Variants in CEACAM8 observed in about 807,000 individuals in gnomAD.
CEACAM8 encodes the protein cell adhesion molecule CEACAM8.
In CEACAM8, 31 loss-of-function variants were observed where a neutral mutation model predicts 33.4. The observed-to-expected ratio is 0.93, with a 90% confidence interval of 0.70 to 1.25. The LOEUF is 1.25. CEACAM8 is among the 50% of genes most tolerant of loss of function. The pLI, the probability that CEACAM8 is intolerant of heterozygous loss-of-function variation, is 0.00. For synonymous variants in CEACAM8, 138 were observed against 164.5 expected (o/e 0.84, Z 1.23); for missense variants, 388 against 434.6 (o/e 0.89, Z 0.95).
chr19:42,594,798 A>G lies in CEACAM8; in HGVS notation c.31T>C (p.Trp11Arg). The change falls in exon 1 of 6, where the codon TGG becomes CGG. Residue 11 changes from tryptophan to arginine, a missense_variant. Transcript: ENST00000244336. MGPISAPSCR[W>R]RIPWQGLLLT... ...AGGAGCCCCTGCCAGGGGATGCGCC[A>G]TCTGCAGGAAGGGGCTGAGATGGGC... The G allele has an allele frequency of 6.2e-7, 1 of 1,611,378 alleles. No individual in the cohort carries two copies. The highest frequency in any genetic ancestry group is 1.3e-5 in the African/African-American group (1 of 74,948).
Position 42,593,866 on chromosome 19 carries a change from A to G in CEACAM8, c.99T>C (p.Thr33=), listed in dbSNP as rs368998367. 21 of 1,603,098 alleles carry G rather than the reference A, an allele frequency of 1.3e-5. No individual in the cohort carries two copies. Among genetic ancestry groups the G allele is most frequent in the South Asian group, 1.0e-4 (9 of 90,224 alleles). The change falls in exon 2 of 6, where the codon ACT becomes ACC. Residue 33 remains threonine (T), a synonymous_variant. Coordinates refer to ENST00000244336, the MANE Select transcript of CEACAM8 (RefSeq NM_001816.4). The part of the protein sequence containing the change: ...SLFTFWNPPT[T]AQLTIEAVPS... ...GCACAGCTTCAATAGTGAGCTGAGC[A>G]GTGGTGGGCGGGTTCCAGAAGGTGA... is the stretch of plus-strand genomic sequence containing the variant.
At chr19:42,583,402 G>T in intron 4 of CEACAM8, 65 bp from the exon 5 acceptor site, 2 of 1,033,294 alleles carry the variant, frequency 1.9e-6, no homozygotes, top group Non-Finnish European at 3.0e-6. Flanking sequence ...GGTACCCCAG[G>T]AACCAGCTCC....
At chr19:42,591,785 T>G (rs1182034358) in intron 2 of CEACAM8, among the ~76,000 whole-genome samples, 1 of 152,168 alleles carries the variant, frequency 6.6e-6, no homozygotes, top group Non-Finnish European at 1.5e-5. Context: ...CAGGATCTAG[T>G]CTCTAAAGAG....
rs558433934 is a variant in CEACAM8, at chr19:42,594,793, G to A, written c.36C>T (p.Arg12=). 9.7e-5 allele frequency: 157 copies of A among 1,611,488 alleles called. 2 individuals are homozygous for A. The South Asian group carries it at 1.4e-3, about 15-fold the overall frequency. The part of the protein sequence containing the change: ...GPISAPSCRW[R]IPWQGLLLTA... Reference sequence around the variant, plus strand: ...TGAGCAGGAGCCCCTGCCAGGGGATGCGCCATCTGCAGGAAGGGGCTGAGA... The same window carrying A: ...TGAGCAGGAGCCCCTGCCAGGGGATACGCCATCTGCAGGAAGGGGCTGAGA... Residue 12 remains arginine (R), a synonymous_variant, in exon 1 of 6, where the codon CGC becomes CGT. Coordinates refer to ENST00000244336, the MANE Select transcript of CEACAM8 (RefSeq NM_001816.4).
Position 42,588,892 on chromosome 19 carries a change from G to A in CEACAM8, c.850C>T (p.Leu284Phe). 1 of 1,614,188 alleles carries A rather than the reference G, an allele frequency of 6.2e-7. No individual in the cohort carries two copies. Among genetic ancestry groups the A allele is most frequent in the East Asian group, 2.2e-5 (1 of 44,872 alleles). Residue 284 changes from leucine (L) to phenylalanine (F), a missense_variant, in exon 4 of 6, where the codon CTC becomes TTC. By Grantham distance (22) the Leu-to-Phe change is conservative. Transcript: ENST00000244336. Reference sequence around the variant, plus strand: ...TTTGTAGTGATGTTGGGGATAAAGAGCTTTTGTGTGTATTGCTGGAATGTG... The same window carrying A: ...TTTGTAGTGATGTTGGGGATAAAGAACTTTTGTGTGTATTGCTGGAATGTG... Reference protein sequence around the residue: ...NGTFQQYTQKLFIPNITTKNS... With the variant: ...NGTFQQYTQKFFIPNITTKNS...
At chr19:42,592,340 C>A (rs1467244475) in intron 2 of CEACAM8, among the ~76,000 whole-genome samples, 1 of 152,166 alleles carries the variant, frequency 6.6e-6, no homozygotes, top group Admixed American at 6.5e-5. Context: ...CGCAGTGGCT[C>A]ATGCCTGTAA....
At position 42,594,804 on chromosome 19, in the gene CEACAM8, A is replaced by C; in HGVS notation, c.25T>G (p.Cys9Gly). The change falls in exon 1 of 6, where the codon TGC becomes GGC. Residue 9 changes from cysteine to glycine, a missense_variant. Transcript: ENST00000244336. ...CCCTGCCAGGGGATGCGCCATCTGC[A>C]GGAAGGGGCTGAGATGGGCCCCATG... is the stretch of plus-strand genomic sequence containing the variant. MGPISAPS[C>G]RWRIPWQGLL... 1 of 1,611,416 alleles carries C rather than the reference A, an allele frequency of 6.2e-7. No individual in the cohort carries two copies. The highest frequency in any genetic ancestry group is 8.5e-7 in the Non-Finnish European group (1 of 1,178,266).
rs961357549 is a variant in CEACAM8 at position 42,593,592 on chromosome 19, T to A, written c.373A>T (p.Ile125Leu). ...TCTTCACTCATAAGATTTAGCTTTA[T>A]GACTTGTAGGGTGTAGGATCCTGTG... The part of the protein sequence containing the change: ...NDTGSYTLQV[I>L]KLNLMSEEVT... Residue 125 changes from isoleucine to leucine, a missense_variant, in exon 2 of 6, where the codon ATA (isoleucine) becomes TTA (leucine). Coordinates refer to ENST00000244336, the MANE Select transcript of CEACAM8 (RefSeq NM_001816.4). 2.5e-6 allele frequency: 4 copies of A among 1,602,770 alleles called. No individual in the cohort carries two copies. Among genetic ancestry groups the A allele is most frequent in the Non-Finnish European group, 3.4e-6 (4 of 1,173,934 alleles).
chr19:42,593,605 G>A lies in CEACAM8; in HGVS notation c.360C>T (p.Tyr120=). The change falls in exon 2 of 6, where the codon TAC becomes TAT. Residue 120 remains tyrosine, a synonymous_variant. Transcript: ENST00000244336. Reference sequence around the variant, plus strand: ...GATTTAGCTTTATGACTTGTAGGGTGTAGGATCCTGTGTCATTTCTGGTGA... The same window carrying A: ...GATTTAGCTTTATGACTTGTAGGGTATAGGATCCTGTGTCATTTCTGGTGA... ...RNVTRNDTGS[Y]TLQVIKLNLM... 1 of 1,611,378 alleles carries A rather than the reference G, an allele frequency of 6.2e-7. No individual in the cohort carries two copies. The highest frequency in any genetic ancestry group is 8.5e-7 in the Non-Finnish European group (1 of 1,178,428).
At position 42,593,874 on chromosome 19, in the gene CEACAM8, G is replaced by A; in HGVS notation, c.91C>T (p.Pro31Ser). Residue 31 changes from proline (P) to serine (S), a missense_variant, in exon 2 of 6, where the codon CCC becomes TCC. Pro to Ser is a moderately conservative substitution (Grantham distance 74). Coordinates refer to ENST00000244336, the MANE Select transcript of CEACAM8 (RefSeq NM_001816.4). The part of the protein sequence containing the change: ...TASLFTFWNP[P>S]TTAQLTIEAV... ...TCAATAGTGAGCTGAGCAGTGGTGG[G>A]CGGGTTCCAGAAGGTGAAAAGTGAG... The A allele has an allele frequency of 1.3e-6, 2 of 1,597,554 alleles. No homozygotes were observed. Among genetic ancestry groups the A allele is most frequent in the Non-Finnish European group, 1.7e-6 (2 of 1,169,078 alleles).
intron 2 of CEACAM8, among the ~76,000 whole-genome samples, chr19:42,593,258 A>G (rs538023816): frequency 2.6e-4 from 39 of 152,268 alleles, no homozygotes; most frequent in Admixed American, 9.8e-4. Flanking sequence ...GGTCAGGTCC[A>G]TGGGGAGGGC....
chr19:42,587,498 GCCA>G (rs1485040772), intron 4 of CEACAM8, among the ~76,000 whole-genome samples: 1 of 152,166 alleles, frequency 6.6e-6, no homozygotes, highest in African/African-American at 2.4e-5. Flanking sequence ...GACACAAAAG[GCCA>G]CCTATTATAT....
At chr19:42,581,920 A>AAAACAT (rs1555805368) in intron 5 of CEACAM8, among the ~76,000 whole-genome samples, 1 of 25,308 alleles carries the variant, frequency 4.0e-5, no homozygotes, top group Non-Finnish European at 6.6e-5. Context: ...AAAAAAAAAA[A>AAAACAT]ATATATATAT....
intron 5 of CEACAM8, among the ~76,000 whole-genome samples, chr19:42,581,558 G>A (rs2042256792): frequency 6.6e-6 from 1 of 152,002 alleles, no homozygotes; most frequent in African/African-American, 2.4e-5. Context: ...AGAAGGTTTA[G>A]CACCACTTAT....
intron 3 of CEACAM8, 89 bp downstream of exon 3, chr19:42,589,368 T>C (rs2042392278): frequency 6.3e-7 from 1 of 1,589,392 alleles, no homozygotes; most frequent in African/African-American, 1.3e-5. Context: ...ATCTGCATTT[T>C]TGGAGCTGAG....
chr19:42,593,867 G>A lies in CEACAM8; in HGVS notation c.98C>T (p.Thr33Ile). The A allele has an allele frequency of 1.2e-6, 2 of 1,601,274 alleles. No individual in the cohort carries two copies. The highest frequency in any genetic ancestry group is 1.7e-6 in the Non-Finnish European group (2 of 1,171,838). Residue 33 changes from threonine (T) to isoleucine (I), a missense_variant, in exon 2 of 6, where the codon ACT becomes ATT. Thr to Ile is a moderately conservative substitution (Grantham distance 89). Coordinates refer to ENST00000244336, the MANE Select transcript of CEACAM8 (RefSeq NM_001816.4). ...SLFTFWNPPT[T>I]AQLTIEAVPS... ...CACAGCTTCAATAGTGAGCTGAGCA[G>A]TGGTGGGCGGGTTCCAGAAGGTGAA...
Position 42,583,310 on chromosome 19 carries a change from C to T in CEACAM8, c.986G>A (p.Gly329Asp). ...SDALVQGSSP[G>D]LSARATVSIM... ...GCTGACAGTGGCTCTAGCTGAGAGGCCAGGAGAACTTCCTTGTACTAAAGC... is the reference window on the plus strand; with the variant it reads ...GCTGACAGTGGCTCTAGCTGAGAGGTCAGGAGAACTTCCTTGTACTAAAGC... Residue 329 changes from glycine to aspartate, a missense_variant, in exon 5 of 6, where the codon GGC becomes GAC. Physicochemically the swap from Gly to Asp is moderately conservative, Grantham distance 94. Transcript: ENST00000244336. 1 of 1,612,978 alleles carries T rather than the reference C, an allele frequency of 6.2e-7. No homozygotes were observed.
chr19:42,593,953 A>C (rs1218370326), intron 1 of CEACAM8, 53 bp from the exon 2 acceptor site: 2 of 1,518,144 alleles, frequency 1.3e-6, no homozygotes, highest in African/African-American at 2.8e-5. Context: ...ATTGGAGTAG[A>C]AAAATGGGGA....
chr19:42,587,858 G>T (rs2042362774), intron 4 of CEACAM8, among the ~76,000 whole-genome samples: 1 of 152,326 alleles, frequency 6.6e-6, no homozygotes, highest in East Asian at 1.9e-4. Flanking sequence ...TACAAAATTA[G>T]CTGGGCGTGT....
Sources: allele counts gnomAD v4.1 joint callset (sites outside exome capture counted in the v4.1 genomes callset), GRCh38; gene constraint gnomAD v4.1.1; transcripts MANE v1.5; gene names NCBI Gene and HGNC (gene_info 2026-07-23, HGNC 2026-07-21).